The following STK38 variants were observed in gnomAD, a reference collection of about 807,000 sequenced individuals.
STK38 encodes serine/threonine-protein kinase 38.
A neutral mutation model predicts 59.0 loss-of-function variants in STK38; 26 were observed. That is an observed-to-expected ratio of 0.44 (90% CI 0.32 to 0.61). The LOEUF is 0.61. Ranked by LOEUF, STK38 falls within the 20% of genes least tolerant of loss-of-function variation. The pLI is 0.04. For missense variants in STK38, 433 were observed against 566.0 expected (o/e 0.76, Z 2.38); for synonymous variants, 175 against 176.6 (o/e 0.99, Z 0.07).
At chr6:36,525,972 T>A (rs1777500557) in intron 2 of STK38, among the ~76,000 whole-genome samples, 1 of 152,094 alleles carries the variant, frequency 6.6e-6, no homozygotes, top group Non-Finnish European at 1.5e-5. Flanking sequence ...CACCTCAGCC[T>A]CCCAAGTAGC....
intron 9 of STK38, among the ~76,000 whole-genome samples, chr6:36,504,508 A>T (rs529246423): frequency 6.6e-6 from 1 of 152,322 alleles, no homozygotes; most frequent in South Asian, 2.1e-4. Context: ...AACACAGTTA[A>T]TTAACATTTG....
Position 36,495,856 on chromosome 6 carries a change from A to C in STK38, c.1326T>G (p.Asn442Lys). The change falls in exon 14 of 14, where the codon AAT becomes AAG. Residue 442 changes from asparagine (N) to lysine (K), a missense_variant. Physicochemically the swap from Asn to Lys is moderately conservative, Grantham distance 94. This residue lies in a region of STK38 where 136 missense variants were observed against 156.7 expected (regional missense o/e 0.87). Transcript: ENST00000229812. ...DYKNKDWVFI[N>K]YTYKRFEGLT... is the part of the protein sequence containing the mutation. ...GGCCCTCAAAGCGCTTGTACGTGTA[A>C]TTGATGAAGACCCAGTCTTTGTTCT... 1 of 1,613,966 alleles carries C rather than the reference A, an allele frequency of 6.2e-7. No homozygotes were observed. The highest frequency in any genetic ancestry group is 8.5e-7 in the Non-Finnish European group (1 of 1,179,978).
chr6:36,540,601 C>T (rs1174270178), intron 1 of STK38, among the ~76,000 whole-genome samples: 2 of 152,198 alleles, frequency 1.3e-5, no homozygotes, highest in Non-Finnish European at 2.9e-5. Context: ...GCAACTTTAC[C>T]TGTACCTGTA....
chr6:36,542,079 C>G (rs1355333418), intron 1 of STK38, among the ~76,000 whole-genome samples: 21 of 152,210 alleles, frequency 1.4e-4, no homozygotes, highest in Admixed American at 1.3e-3. Flanking sequence ...AAGTGATCCA[C>G]CCAACTTGGC....
Position 36,495,631 on chromosome 6 carries a change from A to T in STK38, c.*153T>A. On this transcript the variant is annotated 3_prime_UTR_variant, in exon 14 of 14. Coordinates refer to ENST00000229812, the MANE Select transcript of STK38 (RefSeq NM_007271.4). ...TTACAGTTTTTCAGATGCATTATGGAAGAAAATCCTCTTACTACCACATTT... is the reference window on the plus strand; with the variant it reads ...TTACAGTTTTTCAGATGCATTATGGTAGAAAATCCTCTTACTACCACATTT... The T allele has an allele frequency of 1.2e-5, 12 of 977,498 alleles. No individual in the cohort carries two copies. In the South Asian group the frequency reaches 2.3e-4, roughly 19 times the overall value. 60.6% of individuals were successfully genotyped at this position (977,498 alleles called of 1,614,324 possible).
intron 9 of STK38, among the ~76,000 whole-genome samples, chr6:36,501,101 T>C (rs959918927): frequency 6.6e-6 from 1 of 151,900 alleles, no homozygotes; most frequent in Non-Finnish European, 1.5e-5. Flanking sequence ...CACAGGTGCA[T>C]GCCACCACAC....
chr6:36,541,766 T>C (rs1777942760), intron 1 of STK38, among the ~76,000 whole-genome samples: 1 of 152,150 alleles, frequency 6.6e-6, no homozygotes, highest in African/African-American at 2.4e-5. Flanking sequence ...ATTAGTGGCT[T>C]ACCTGTAGGT....
chr6:36,508,163 T>C (rs1365281707), intron 7 of STK38, among the ~76,000 whole-genome samples: 1 of 152,124 alleles, frequency 6.6e-6, no homozygotes, highest in African/African-American at 2.4e-5. Context: ...CTCAAACTCC[T>C]GAGGTCAAGT....
intron 9 of STK38, among the ~76,000 whole-genome samples, chr6:36,502,948 G>A (rs1040768962): frequency 1.3e-5 from 2 of 152,062 alleles, no homozygotes; most frequent in East Asian, 1.9e-4. Flanking sequence ...GTAGCTGTTC[G>A]TTCAATTATT....
At chr6:36,541,336 CAA>C (rs1352195616) in intron 1 of STK38, among the ~76,000 whole-genome samples, 2 of 151,948 alleles carry the variant, frequency 1.3e-5, no homozygotes, top group East Asian at 3.9e-4. Context: ...CCTGGGAGGC[CAA>C]GACAGAGGTC....
At chr6:36,527,230 T>TATATATG (rs1561986951) in intron 2 of STK38, among the ~76,000 whole-genome samples, 1 of 134,418 alleles carries the variant, frequency 7.4e-6, no homozygotes, top group African/African-American at 2.9e-5. Flanking sequence ...ATATATATAT[T>TATATATG]TATATGTATA....
intron 7 of STK38, among the ~76,000 whole-genome samples, chr6:36,510,578 C>T (rs534003273): frequency 1.3e-5 from 2 of 152,382 alleles, no homozygotes. Context: ...TCCCCCACTG[C>T]AGCTGGCATC....
chr6:36,522,855 CAAAAAAAA>C (rs1200049731), intron 4 of STK38, among the ~76,000 whole-genome samples: 11 of 66,568 alleles, frequency 1.7e-4, no homozygotes, highest in South Asian at 6.5e-4. Flanking sequence ...GACTCTGTCT[CAAAAAAAA>C]AAAAAAAAAA....
intron 12 of STK38, 26 bp downstream of exon 12, chr6:36,497,754 T>C (rs966443097): frequency 1.9e-6 from 3 of 1,553,440 alleles, no homozygotes; most frequent in South Asian, 2.3e-5. Context: ...TCTGAAATAA[T>C]TCTGAAAGTG....
chr6:36,497,278 G>A (rs994724559), intron 12 of STK38, among the ~76,000 whole-genome samples: 3 of 152,220 alleles, frequency 2.0e-5, no homozygotes, highest in African/African-American at 4.8e-5. Flanking sequence ...AATGAATGCT[G>A]AATGAGAAGG....
At chr6:36,508,100 A>G (rs576951219) in intron 7 of STK38, among the ~76,000 whole-genome samples, 2 of 151,002 alleles carry the variant, frequency 1.3e-5, no homozygotes, top group African/African-American at 4.9e-5. Context: ...CGTCCGACTA[A>G]TTTTTTTTTA....
intron 1 of STK38, among the ~76,000 whole-genome samples, chr6:36,546,163 CTTGTT>C (rs1778048938): frequency 6.6e-6 from 1 of 152,214 alleles, no homozygotes; most frequent in Non-Finnish European, 1.5e-5. Flanking sequence ...ATGTCTTATA[CTTGTT>C]TTAATATTCT....
rs529134107 is a variant in STK38, at chr6:36,526,089, C to T, written c.132-447G>A. On this transcript the variant is annotated intron_variant, in intron 2 of 13. Transcript: ENST00000229812. Reference sequence around the variant, plus strand: ...TGGTCTCAAACTCCAGCCTGACCTTCCAAAGTGTTGCGATTACAGGTGTGA... The same window carrying T: ...TGGTCTCAAACTCCAGCCTGACCTTTCAAAGTGTTGCGATTACAGGTGTGA... Among the ~76,000 whole-genome samples, 106 of 152,264 alleles carry T rather than the reference C, an allele frequency of 7.0e-4. 1 individual carries two copies. The highest frequency in any genetic ancestry group is 5.8e-3 in the Admixed American group (89 of 15,280).
In STK38 at chr6:36,525,471, C is replaced by T. The variant is rs1304567195; in HGVS notation, c.183+120G>A. 5 of 815,836 alleles carry T rather than the reference C, an allele frequency of 6.1e-6. No individual in the cohort carries two copies. In the Admixed American group the frequency reaches 1.2e-4, roughly 20 times the overall value. 50.5% of individuals were successfully genotyped at this position (815,836 alleles called of 1,614,324 possible). On this transcript the variant is annotated intron_variant, in intron 3 of 13. Transcript: ENST00000229812. Reference sequence around the variant, plus strand: ...ACCCAAATCCGGAAGCACACTACCCCTCAAGTTCCTCTGTTATTGAGCCAA... The same window carrying T: ...ACCCAAATCCGGAAGCACACTACCCTTCAAGTTCCTCTGTTATTGAGCCAA...
Sources: gnomAD v4.1 joint callset for allele counts (sites outside exome capture counted in the v4.1 genomes callset) on GRCh38, gnomAD v4.1.1 for gene constraint, gnomAD v4.1.1 regional missense constraint, MANE v1.5 for transcripts, NCBI Gene and HGNC (gene_info 2026-07-23, HGNC 2026-07-21) for gene names.